Variants in MNS1 observed in about 807,000 individuals in gnomAD.
MNS1 encodes the protein meiosis-specific nuclear structural protein 1.
A neutral mutation model predicts 72.0 loss-of-function variants in MNS1; 63 were observed. The ratio of observed to expected loss-of-function variants is 0.87; its 90% CI spans 0.71 to 1.08. MNS1 has a LOEUF of 1.08. MNS1 is among the 50% of genes least tolerant of loss of function. MNS1 has a pLI of 0.00. For synonymous variants in MNS1, 188 were observed against 172.1 expected (o/e 1.09, Z -0.72); for missense variants, 604 against 562.4 (o/e 1.07, Z -0.75).
At chr15:56,440,631 C>CA (rs1381814426) in intron 7 of MNS1, among the ~76,000 whole-genome samples, 12 of 151,064 alleles carry the variant, frequency 7.9e-5, no homozygotes, top group Non-Finnish European at 1.5e-4. Context: ...TGTTACTCAG[C>CA]AAAAAAAGGG....
At chr15:56,434,693 T>C (rs1327724037) in intron 7 of MNS1, among the ~76,000 whole-genome samples, 1 of 152,126 alleles carries the variant, frequency 6.6e-6, no homozygotes, top group Non-Finnish European at 1.5e-5. Context: ...CAAAAGCCTT[T>C]TTTGCACACC....
At chr15:56,459,054 C>T (rs191895494) in intron 2 of MNS1, among the ~76,000 whole-genome samples, 128 of 152,260 alleles carry the variant, frequency 8.4e-4, no homozygotes, top group Middle Eastern at 6.8e-3. Flanking sequence ...GTCAACACTC[C>T]AGAATGTTTA....
At chr15:56,456,621 C>A in intron 2 of MNS1, 100 bp from the exon 3 acceptor site, 2 of 1,135,356 alleles carry the variant, frequency 1.8e-6, no homozygotes, top group Non-Finnish European at 2.5e-6. Context: ...GCCTTAAGGC[C>A]AACAATTGAT....
chr15:56,446,008 C>T (rs921970003), intron 4 of MNS1: 1 of 151,972 alleles, frequency 6.6e-6, no homozygotes, highest in Non-Finnish European at 1.5e-5. Flanking sequence ...GCTGTGTACC[C>T]GCTAGACATT....
chr15:56,449,623 T>C (rs1387298171), intron 3 of MNS1, among the ~76,000 whole-genome samples: 1 of 152,116 alleles, frequency 6.6e-6, no homozygotes, highest in Admixed American at 6.6e-5. Context: ...CTTTTTCTGT[T>C]TTACAGAACT....
chr15:56,463,942 C>T, intron 2 of MNS1, 84 bp downstream of exon 2: 1 of 1,100,572 alleles, frequency 9.1e-7, no homozygotes. Context: ...TGTTTATCTA[C>T]TCATTTCCAG....
At position 56,443,539 on chromosome 15, in the gene MNS1, TA is replaced by T. The variant is rs771197854; in HGVS notation, c.904-3del. On this transcript the variant is annotated splice_polypyrimidine_tract_variant and splice_region_variant and intron_variant, in intron 6 of 9. Transcript: ENST00000260453. ...CATTTCTTCTAATTTCTGTGTCAAC[TA>T]TTAAATTTTTTAAAAAACATAAATA... 1 of 1,581,202 alleles carries T rather than the reference TA, an allele frequency of 6.3e-7. No homozygotes were observed. Among genetic ancestry groups the T allele is most frequent in the Non-Finnish European group, 8.5e-7 (1 of 1,169,822 alleles).
intron 3 of MNS1, among the ~76,000 whole-genome samples, chr15:56,450,803 T>C (rs974230819): frequency 6.6e-6 from 1 of 152,176 alleles, no homozygotes. Context: ...TGGTAATCCT[T>C]TGTTTAACTT....
Position 56,428,961 on chromosome 15 carries a change from CA to C in MNS1, c.*139del, listed in dbSNP as rs2050463928. 1.8e-6 allele frequency: 1 copy of C among 565,780 alleles called. No individual in the cohort carries two copies. The highest frequency in any genetic ancestry group is 2.0e-5 in the African/African-American group (1 of 51,194). The allele number at this position is 565,780 out of a possible 1,614,324, so 35.0% of individuals were successfully genotyped here. Reference sequence around the variant, plus strand: ...TTAATTTGTATCTGATAATTGTTTACAAGTTATGAAATTCAGTGATGATTTA... The same window carrying C: ...TTAATTTGTATCTGATAATTGTTTACAGTTATGAAATTCAGTGATGATTTA... On this transcript the variant is annotated 3_prime_UTR_variant, in exon 10 of 10. Transcript: ENST00000260453.
intron 3 of MNS1, among the ~76,000 whole-genome samples, chr15:56,451,684 G>C (rs2050948439): frequency 6.6e-6 from 1 of 152,038 alleles, no homozygotes; most frequent in African/African-American, 2.4e-5. Flanking sequence ...ACTTTACAAT[G>C]GTGAGAAAAC....
intron 3 of MNS1, among the ~76,000 whole-genome samples, chr15:56,453,801 T>G (rs765165166): frequency 6.6e-6 from 1 of 152,168 alleles, no homozygotes; most frequent in Non-Finnish European, 1.5e-5. Context: ...CAAAATCAAT[T>G]AACAGGAGTC....
intron 2 of MNS1, among the ~76,000 whole-genome samples, chr15:56,461,983 T>TG (rs1275428908): frequency 7.6e-4 from 97 of 126,908 alleles, no homozygotes; most frequent in East Asian, 1.9e-3. Flanking sequence ...TTGTTTTTTT[T>TG]TTTTTTTTTT....
intron 8 of MNS1, among the ~76,000 whole-genome samples, chr15:56,432,294 T>C (rs548487051): frequency 2.8e-4 from 43 of 152,334 alleles, no homozygotes; most frequent in Non-Finnish European, 5.4e-4. Context: ...TTTAGGCAGT[T>C]ACGAAATCAA....
Position 56,444,468 on chromosome 15 carries a change from C to A in MNS1, c.662G>T (p.Arg221Met). ...KEKLMIDEIV[R>M]KIYEEDQLEK... ...CAACTGATCTTCTTCATAGATCTTC[C>A]TAACAATTTCATCAATCATGAGTTT... The change falls in exon 5 of 10, where the codon AGG (arginine) becomes ATG (methionine). Residue 221 changes from arginine to methionine, a missense_variant. Physicochemically the swap from Arg to Met is moderately conservative, Grantham distance 91. Transcript: ENST00000260453. 1 of 1,607,462 alleles carries A rather than the reference C, an allele frequency of 6.2e-7. No individual in the cohort carries two copies. The highest frequency in any genetic ancestry group is 8.5e-7 in the Non-Finnish European group (1 of 1,178,408).
chr15:56,440,782 A>G (rs1163363978), intron 7 of MNS1, among the ~76,000 whole-genome samples: 5 of 152,338 alleles, frequency 3.3e-5, no homozygotes, highest in African/African-American at 1.2e-4. Context: ...ATTTATAATT[A>G]AAGGTTTATC....
chr15:56,456,302 TAAAC>T (rs1411750608), intron 3 of MNS1, 88 bp downstream of exon 3: 48 of 1,218,710 alleles, frequency 3.9e-5, no homozygotes, highest in South Asian at 1.8e-5. Context: ...TGAAATGACA[TAAAC>T]AAAGAAATTT....
In MNS1 at chr15:56,434,261, T is replaced by A. The variant is rs757126785; in HGVS notation, c.1146A>T (p.Lys382Asn). The A allele has an allele frequency of 2.5e-6, 4 of 1,613,998 alleles. No individual in the cohort carries two copies. The South Asian group carries it at 4.4e-5, about 18-fold the overall frequency. ...EENFRKTMLA[K>N]FAEDDRIELM... Reference sequence around the variant, plus strand: ...ATTCTATTCGATCATCCTCAGCAAATTTAGCTAGCATAGTTTTTCTAAAGT... The same window carrying A: ...ATTCTATTCGATCATCCTCAGCAAAATTAGCTAGCATAGTTTTTCTAAAGT... The change falls in exon 8 of 10, where the codon AAA becomes AAT. Residue 382 changes from lysine to asparagine, a missense_variant. Transcript: ENST00000260453.
intron 7 of MNS1, among the ~76,000 whole-genome samples, chr15:56,436,185 A>C (rs2050721297): frequency 6.6e-6 from 1 of 152,134 alleles, no homozygotes; most frequent in Non-Finnish European, 1.5e-5. Flanking sequence ...ACTTATTCCA[A>C]AGTTGACCAC....
In MNS1 at chr15:56,441,137, CT is replaced by C. The variant is rs374118806; in HGVS notation, c.1011+2292del. 1.6e-4 allele frequency among the ~76,000 whole-genome samples: 25 copies of C among 152,082 alleles called. No homozygotes were observed. The East Asian group carries it at 4.6e-3, about 28-fold the overall frequency. On this transcript the variant is annotated intron_variant, in intron 7 of 9. Transcript: ENST00000260453. ...CTAATTTCCAATATTATTTATTCCC[CT>C]TTTCTCATTGCTTATTTAGAAATAT...
Sources: gnomAD v4.1 joint callset for allele counts (sites outside exome capture counted in the v4.1 genomes callset) on GRCh38, gnomAD v4.1.1 for gene constraint, MANE v1.5 for transcripts, NCBI Gene and HGNC (gene_info 2026-07-23, HGNC 2026-07-21) for gene names.